The following HIF3A variants were observed in gnomAD, a reference collection of about 807,000 sequenced individuals.
HIF3A encodes hypoxia-inducible factor 3-alpha.
A neutral mutation model predicts 67.2 loss-of-function variants in HIF3A; 41 were observed. The observed-to-expected ratio is 0.61, with a 90% CI of 0.48 to 0.79. The LOEUF is 0.79. Among genes scored for constraint, HIF3A ranks in the 30% least tolerant of loss-of-function variants. The pLI, the probability that HIF3A is intolerant of heterozygous loss-of-function variation, is 0.00. For synonymous variants in HIF3A, 356 were observed against 374.8 expected, an observed-to-expected ratio of 0.95 and a Z score of 0.58; for missense variants, 855 against 898.0, an observed-to-expected ratio of 0.95 and a Z score of 0.61.
intron 4 of HIF3A, 31 bp from the exon 5 acceptor site, chr19:46,308,632 T>A: frequency 7.2e-7 from 1 of 1,389,118 alleles, no homozygotes; most frequent in African/African-American, 1.4e-5. Context: ...TAGCTGCCTG[T>A]GACCTCCCCG....
Position 46,303,861 on chromosome 19 carries a change from C to T in HIF3A, c.27-37C>T. 7 of 1,589,504 alleles carry T rather than the reference C, an allele frequency of 4.4e-6. No homozygotes were observed. The East Asian group carries it at 9.1e-5, about 21-fold the overall frequency. The stretch of plus-strand genomic sequence containing the variant: ...TCGTCCCGTCCTCCTTTTCTCTTTC[C>T]CGAGTCACCACCAGTGAATGCTGCC... On this transcript the variant is annotated intron_variant, in intron 1 of 14. Coordinates refer to ENST00000377670, the MANE Select transcript of HIF3A (RefSeq NM_152795.4).
chr19:46,339,755 C>A lies in HIF3A; in HGVS notation c.*133C>A. On this transcript the variant is annotated 3_prime_UTR_variant, in exon 15 of 15. Transcript: ENST00000377670. Reference sequence around the variant, plus strand: ...TCTCCTCTATGTACCCCCTGCCCACCTCGGGCCTACCTCAGCCCTCACCCC... The same window carrying A: ...TCTCCTCTATGTACCCCCTGCCCACATCGGGCCTACCTCAGCCCTCACCCC... The A allele has an allele frequency of 1.9e-6, 1 of 528,068 alleles. No homozygotes were observed. The highest frequency in any genetic ancestry group is 3.3e-6 in the Non-Finnish European group (1 of 306,932). The allele number at this position is 528,068 out of a possible 1,614,324, so 32.7% of individuals were successfully genotyped here. A position where few individuals can be genotyped will look rare whatever the true frequency, so the allele number is the denominator to read the frequency against.
intron 11 of HIF3A, among the ~76,000 whole-genome samples, chr19:46,327,929 A>G (rs1178310202): frequency 6.6e-6 from 1 of 152,226 alleles, no homozygotes; most frequent in Non-Finnish European, 1.5e-5. Context: ...CAGTATTGAC[A>G]TGTAGCAATA....
At chr19:46,330,949 AATGG>A (rs1971168331) in intron 12 of HIF3A, among the ~76,000 whole-genome samples, 1 of 149,682 alleles carries the variant, frequency 6.7e-6, no homozygotes, top group Non-Finnish European at 1.5e-5. Context: ...TGGAAGGATA[AATGG>A]ATGGAGGTTG....
Position 46,321,802 on chromosome 19 carries a change from T to G in HIF3A, c.1171T>G (p.Phe391Val). ...CACCCCTGGCCCCCGGATCCTTGCCTTCCTGCACCCGCCTTCCCTGAGCGA... is the reference window on the plus strand; with the variant it reads ...CACCCCTGGCCCCCGGATCCTTGCCGTCCTGCACCCGCCTTCCCTGAGCGA... ...LDTPGPRILA[F>V]LHPPSLSEAA... The change falls in exon 10 of 15, where the codon TTC (phenylalanine) becomes GTC (valine). Residue 391 changes from phenylalanine (F) to valine (V), a missense_variant. Coordinates refer to ENST00000377670, the MANE Select transcript of HIF3A (RefSeq NM_152795.4). 6.2e-7 allele frequency: 1 copy of G among 1,613,832 alleles called. No homozygotes were observed. The highest frequency in any genetic ancestry group is 8.5e-7 in the Non-Finnish European group (1 of 1,179,954).
chr19:46,303,650 C>A lies in HIF3A; in HGVS notation c.27-248C>A, dbSNP rs372511590. ...GCCCTAGGCGCGCCACAGAGAGGAG[C>A]GAGGCGCCAGAGGCACCATGGACTG... On this transcript the variant is annotated intron_variant, in intron 1 of 14. Coordinates refer to ENST00000377670, the MANE Select transcript of HIF3A (RefSeq NM_152795.4). The A allele has an allele frequency of 1.0e-4, 164 of 1,584,846 alleles. No individual in the cohort carries two copies. In the African/African-American group the frequency reaches 1.8e-3, roughly 17 times the overall value.
intron 14 of HIF3A, among the ~76,000 whole-genome samples, chr19:46,337,222 G>A (rs937601268): frequency 6.6e-6 from 1 of 152,008 alleles, no homozygotes; most frequent in Non-Finnish European, 1.5e-5. Flanking sequence ...CAAGTGCAAA[G>A]GCCCTTAGGT....
Position 46,307,959 on chromosome 19 carries a change from TAGACAGAC to T in HIF3A, c.364-226_364-219del, listed in dbSNP as rs750066520. ...AAAAATAGATAGATAGACAGATAGG[TAGACAGAC>T]AGACAGACAGACAGACAGACAGACA... On this transcript the variant is annotated intron_variant, in intron 3 of 14. Transcript: ENST00000377670. Among the ~76,000 whole-genome samples the T allele has an allele frequency of 3.3e-4, 35 of 105,880 alleles. No homozygotes were observed. In the South Asian group the frequency reaches 3.5e-3, roughly 11 times the overall value. 69.5% of individuals were successfully genotyped at this position (105,880 alleles called of 152,430 possible). A position where few individuals can be genotyped will look rare whatever the true frequency, so the allele number is the denominator to read the frequency against.
At position 46,297,536 on chromosome 19, in the gene HIF3A, G is replaced by A. The variant is rs1406590629; in HGVS notation, c.26+434G>A. Among the ~76,000 whole-genome samples the A allele has an allele frequency of 6.6e-6, 1 of 152,062 alleles. No homozygotes were observed. Among genetic ancestry groups the A allele is most frequent in the Non-Finnish European group, 1.5e-5 (1 of 67,964 alleles). ...TGCCACCAGGTGCCTGGGATCCTAG[G>A]TGATATGGGATACCCCTAAATGGAG... On this transcript the variant is annotated intron_variant, in intron 1 of 14. Transcript: ENST00000377670. The surrounding 1 kb of genome is among the most constrained non-coding windows in gnomAD (Gnocchi z 4.5).
In HIF3A at chr19:46,305,236, G is replaced by A. The variant is rs751548454; in HGVS notation, c.218-9G>A. 5.0e-6 allele frequency: 8 copies of A among 1,613,630 alleles called. No homozygotes were observed. In the African/African-American group the frequency reaches 5.3e-5, roughly 11 times the overall value. ...AGAGATGCCCCCATCCCCCTGCCCC[G>A]GGCACCAGGGGAGTGGAACCAGGTG... is the stretch of plus-strand genomic sequence containing the variant. On this transcript the variant is annotated splice_polypyrimidine_tract_variant and intron_variant, in intron 2 of 14. Coordinates refer to ENST00000377670, the MANE Select transcript of HIF3A (RefSeq NM_152795.4).
chr19:46,328,752 C>G (rs987977625), intron 11 of HIF3A, among the ~76,000 whole-genome samples: 1 of 151,310 alleles, frequency 6.6e-6, no homozygotes, highest in Non-Finnish European at 1.5e-5. Flanking sequence ...GACAGTATTT[C>G]ACTCTGTCAC....
intron 6 of HIF3A, among the ~76,000 whole-genome samples, chr19:46,309,768 G>A (rs1257084693): frequency 6.6e-6 from 1 of 152,006 alleles, no homozygotes; most frequent in African/African-American, 2.4e-5. Flanking sequence ...TTAATATGGT[G>A]CCCAGCACAC....
rs1198641207 is a variant in HIF3A, at chr19:46,308,683, G to A, written c.469G>A (p.Glu157Lys). 2.5e-6 allele frequency: 4 copies of A among 1,607,590 alleles called. No homozygotes were observed. Among genetic ancestry groups the A allele is most frequent in the South Asian group, 2.2e-5 (2 of 89,864 alleles). The change falls in exon 5 of 15, where the codon GAG (glutamate) becomes AAG (lysine). Residue 157 changes from glutamate to lysine, a missense_variant. Transcript: ENST00000377670. ...CCCAGCCCTGTCCAGGAGGAAGGTG[G>A]AGGCCCCCACGGAGCGGTGCTTCTC... ...PQQTLSRRKV[E>K]APTERCFSLR...
At chr19:46,306,718 A>G (rs572198918) in intron 3 of HIF3A, 43 of 152,234 alleles carry the variant, frequency 2.8e-4, no homozygotes, top group African/African-American at 1.0e-3. Flanking sequence ...CCTGGTACCA[A>G]TTTCTCTGTT....
At chr19:46,318,548 CAAAAAAAAAA>C (rs908312286) in intron 8 of HIF3A, among the ~76,000 whole-genome samples, 220 of 54,090 alleles carry the variant, frequency 4.1e-3, no homozygotes, top group South Asian at 9.7e-3. Flanking sequence ...GATCCTGTCT[CAAAAAAAAAA>C]AAAAAAAAAA....
intron 6 of HIF3A, among the ~76,000 whole-genome samples, chr19:46,311,334 T>C (rs1969408138): frequency 6.6e-6 from 1 of 152,108 alleles, no homozygotes; most frequent in African/African-American, 2.4e-5. Context: ...CTCACGCCTA[T>C]AAACCTAGCA....
chr19:46,311,549 A>C (rs10426962), intron 6 of HIF3A, among the ~76,000 whole-genome samples: 132,557 of 152,210 alleles, frequency 0.87, 58,173 homozygotes, highest in Non-Finnish European at 0.93. Flanking sequence ...GCCCACCTGC[A>C]TCCATCTCCC....
rs1485045225 is a variant in HIF3A, at chr19:46,342,829, C to A, written c.*3207C>A. The stretch of plus-strand genomic sequence containing the variant: ...TAAGTTTTCCCATTCTAAACCCCTA[C>A]CCTCTAGGCTGTGCTGCTCCTGGAC... On this transcript the variant is annotated 3_prime_UTR_variant, in exon 15 of 15. Coordinates refer to ENST00000377670, the MANE Select transcript of HIF3A (RefSeq NM_152795.4). The A allele has an allele frequency of 1.3e-5, 2 of 152,282 alleles. No individual in the cohort carries two copies. The highest frequency in any genetic ancestry group is 2.9e-5 in the Non-Finnish European group (2 of 68,148). The allele number at this position is 152,282 out of a possible 1,614,324, so 9.4% of individuals were successfully genotyped here.
In HIF3A at chr19:46,320,184, C is replaced by T. The variant is rs1295212537; in HGVS notation, c.1026-259C>T. The T allele has an allele frequency of 2.1e-5, 7 of 326,242 alleles. No individual in the cohort carries two copies. In the East Asian group the frequency reaches 2.2e-4, roughly 10 times the overall value. 20.2% of individuals were successfully genotyped at this position (326,242 alleles called of 1,614,324 possible). A position where few individuals can be genotyped will look rare whatever the true frequency, so the allele number is the denominator to read the frequency against. On this transcript the variant is annotated intron_variant, in intron 8 of 14. Transcript: ENST00000377670. ...GGCGGAGGTTGCAGTGAGCCGAGAT[C>T]GCGCCACTGCACTCCAGCCTGGGCG...
Sources: gnomAD v4.1 joint callset for allele counts (sites outside exome capture counted in the v4.1 genomes callset) on GRCh38, gnomAD v4.1.1 for gene constraint, Gnocchi (gnomAD v3.1) non-coding constraint, MANE v1.5 for transcripts, NCBI Gene and HGNC (gene_info 2026-07-23, HGNC 2026-07-21) for gene names.